PTPRG: variants seen among roughly 807,000 people sequenced by gnomAD.
The protein encoded by PTPRG is protein tyrosine phosphatase receptor type G.
Under a neutral mutation model 165.3 loss-of-function variants are expected in PTPRG, and 102 were observed. That is an observed-to-expected ratio of 0.62 (90% confidence interval 0.53 to 0.73). PTPRG has a LOEUF of 0.73. PTPRG is among the 30% of genes least tolerant of loss of function. The pLI, the probability that PTPRG is intolerant of heterozygous loss-of-function variation, is 0.00. For synonymous variants in PTPRG, 675 were observed against 669.5 expected (o/e 1.01, Z -0.13); for missense variants, 1,866 against 1,861.4 (o/e 1.00, Z -0.05).
intron 1 of PTPRG, among the ~76,000 whole-genome samples, chr3:61,713,327 A>ATTTTTTTTT (rs556907427): frequency 7.4e-6 from 1 of 135,504 alleles, no homozygotes; most frequent in Non-Finnish European, 1.6e-5. Context: ...CGCTCAGCTA[A>ATTTTTTTTT]TTTTTTTTTT....
intron 8 of PTPRG, among the ~76,000 whole-genome samples, chr3:62,186,519 C>T (rs1056983242): frequency 4.8e-5 from 7 of 146,654 alleles, no homozygotes; most frequent in African/African-American, 1.3e-4. Flanking sequence ...GGTGGCCCAT[C>T]GGCCTCAGAG....
intron 1 of PTPRG, among the ~76,000 whole-genome samples, chr3:61,605,173 C>T (rs1700968481): frequency 2.0e-5 from 3 of 152,174 alleles, no homozygotes; most frequent in South Asian, 4.1e-4. Flanking sequence ...TAGTTAAGTA[C>T]TGAGAGAACC....
chr3:61,644,243 A>C (rs946205033), intron 1 of PTPRG, among the ~76,000 whole-genome samples: 3 of 152,162 alleles, frequency 2.0e-5, no homozygotes, highest in African/African-American at 7.2e-5. Flanking sequence ...TTAGGTTTTG[A>C]ATATCATTTC....
In PTPRG at chr3:62,254,462, A is replaced by G. The variant is rs1449936617; in HGVS notation, c.2468-662A>G. Among the ~76,000 whole-genome samples, 1 of 152,152 alleles carries G rather than the reference A, an allele frequency of 6.6e-6. No individual in the cohort carries two copies. The highest frequency in any genetic ancestry group is 1.5e-5 in the Non-Finnish European group (1 of 68,012). ...AAGTGACAACACGAAATAAATGGGA[A>G]TGTGGAGTCTTCCCGAATCTATACC... is the stretch of plus-strand genomic sequence containing the variant. On this transcript the variant is annotated intron_variant, in intron 15 of 29. Transcript: ENST00000474889. The surrounding 1 kb of genome is among the most constrained non-coding windows in gnomAD (Gnocchi z 4.6).
chr3:61,584,571 AG>A (rs1183414568), intron 1 of PTPRG, among the ~76,000 whole-genome samples: 1 of 106,218 alleles, frequency 9.4e-6, no homozygotes, highest in Admixed American at 8.8e-5. Context: ...AGTAAAGTTT[AG>A]GTTTTTTTTT....
At chr3:61,719,607 A>C (rs1379571954) in intron 1 of PTPRG, among the ~76,000 whole-genome samples, 5 of 152,094 alleles carry the variant, frequency 3.3e-5, no homozygotes, top group Non-Finnish European at 7.4e-5. Context: ...GCCCTTTCCT[A>C]TTATGGTTCC....
At chr3:61,586,115 TA>T (rs1213583169) in intron 1 of PTPRG, among the ~76,000 whole-genome samples, 2 of 152,236 alleles carry the variant, frequency 1.3e-5, no homozygotes, top group Non-Finnish European at 2.9e-5. Flanking sequence ...CTTGTTTTGC[TA>T]GTATGGATTT....
chr3:61,812,088 C>T (rs915752508), intron 2 of PTPRG, among the ~76,000 whole-genome samples: 4 of 152,132 alleles, frequency 2.6e-5, no homozygotes, highest in African/African-American at 9.7e-5. Context: ...GGTAGAACTG[C>T]TAGGATATAA....
chr3:61,578,870 T>C (rs894192387), intron 1 of PTPRG, among the ~76,000 whole-genome samples: 3 of 152,214 alleles, frequency 2.0e-5, no homozygotes, highest in Admixed American at 6.5e-5. Flanking sequence ...AGGGAATGTT[T>C]GGCAGGGTGG....
intron 2 of PTPRG, among the ~76,000 whole-genome samples, chr3:61,951,567 T>G (rs1244118409): frequency 1.3e-5 from 2 of 152,200 alleles, no homozygotes; most frequent in Non-Finnish European, 2.9e-5. Context: ...CCCAATCTGC[T>G]CTCTCTAGTC....
At position 61,699,238 on chromosome 3, in the gene PTPRG, GA is replaced by G. The variant is rs1038350444; in HGVS notation, c.86-49630del. 3.9e-4 allele frequency among the ~76,000 whole-genome samples: 58 copies of G among 149,918 alleles called. 2 individuals carry two copies. Among genetic ancestry groups the G allele is most frequent in the East Asian group, 2.1e-3 (11 of 5,130 alleles). On this transcript the variant is annotated intron_variant, in intron 1 of 29. Transcript: ENST00000474889. ...CGCGTTCAGGGTGGTATGGCCGTAG[GA>G]AAAAAAAAATTATTTTTCAAAACAA...
chr3:62,223,357 G>C (rs1329080035), intron 13 of PTPRG, among the ~76,000 whole-genome samples: 2 of 152,218 alleles, frequency 1.3e-5, no homozygotes, highest in African/African-American at 4.8e-5. Flanking sequence ...GTTCCTACCA[G>C]CAGTGCTGTC....
At chr3:62,097,259 A>G (rs930712856) in intron 5 of PTPRG, among the ~76,000 whole-genome samples, 1 of 152,156 alleles carries the variant, frequency 6.6e-6, no homozygotes, top group African/African-American at 2.4e-5. Flanking sequence ...TGCTCATGTA[A>G]TCTTCCAGCT....
chr3:61,578,137 T>A (rs1251650593), intron 1 of PTPRG, among the ~76,000 whole-genome samples: 1 of 152,222 alleles, frequency 6.6e-6, no homozygotes, highest in African/African-American at 2.4e-5. Context: ...CTCTCCTAGT[T>A]CCTGTTGGTG....
chr3:61,621,051 ATGTGTGTGTGTGTG>A (rs1173192341), intron 1 of PTPRG, among the ~76,000 whole-genome samples: 2 of 117,992 alleles, frequency 1.7e-5, no homozygotes, highest in African/African-American at 3.0e-5. Flanking sequence ...ATATATATAT[ATGTGTGTGTGTGTG>A]TGTGTGTGTG....
intron 2 of PTPRG, among the ~76,000 whole-genome samples, chr3:61,938,545 G>C (rs1301712827): frequency 6.6e-6 from 1 of 152,174 alleles, no homozygotes; most frequent in African/African-American, 2.4e-5. Flanking sequence ...CCTCTATGAT[G>C]AATATCCCCG....
At chr3:61,857,721 T>G (rs1423345600) in intron 2 of PTPRG, among the ~76,000 whole-genome samples, 1 of 152,224 alleles carries the variant, frequency 6.6e-6, no homozygotes, top group Non-Finnish European at 1.5e-5. Flanking sequence ...TATCCATGTT[T>G]TATTAGTATG....
intron 13 of PTPRG, among the ~76,000 whole-genome samples, chr3:62,226,848 G>T (rs186372981): frequency 3.6e-4 from 55 of 152,196 alleles, no homozygotes; most frequent in Non-Finnish European, 2.1e-4. Context: ...AATAGGAAAA[G>T]GTCTCTCTTT....
At chr3:62,164,762 T>C (rs1704903582) in intron 7 of PTPRG, among the ~76,000 whole-genome samples, 1 of 152,254 alleles carries the variant, frequency 6.6e-6, no homozygotes, top group Non-Finnish European at 1.5e-5. Context: ...TACAGTTATG[T>C]GACTTGTTCT....
Sources: allele counts gnomAD v4.1 joint callset (sites outside exome capture counted in the v4.1 genomes callset), GRCh38; gene constraint gnomAD v4.1.1; non-coding constraint Gnocchi (gnomAD v3.1); transcripts MANE v1.5; gene names NCBI Gene and HGNC (gene_info 2026-07-23, HGNC 2026-07-21).